Variants in EDA2R observed in about 807,000 individuals in gnomAD.
EDA2R encodes the protein ectodysplasin A2 receptor, also known as tumor necrosis factor receptor superfamily member 27.
Under a neutral mutation model 20.1 loss-of-function variants are expected in EDA2R, and 26 were observed. The ratio of observed to expected loss-of-function variants is 1.30; its 90% confidence interval spans 0.95 to 1.80. The LOEUF (loss-of-function observed/expected upper bound fraction) is 1.80, where lower values mean the gene tolerates loss of function less well. Among genes scored for constraint, EDA2R ranks in the 40% most tolerant of loss-of-function variants. EDA2R has a pLI of 0.00. For missense variants in EDA2R, 277 were observed against 228.7 expected (o/e 1.21, Z -1.36); for synonymous variants, 114 against 88.7 (o/e 1.29, Z -1.60).
chrX:66,624,268 C>T (rs1009044203), intron 1 of EDA2R, among the ~76,000 whole-genome samples: 1 of 111,748 alleles, frequency 8.9e-6, no homozygotes, highest in Non-Finnish European at 1.9e-5. Context: ...CCTGGAATAC[C>T]GGCCCTTTCA....
At position 66,615,990 on chromosome X, in the gene EDA2R, G is replaced by A. The variant is rs1207666953; in HGVS notation, c.31C>T (p.Gln11Ter). 1.7e-6 allele frequency: 2 copies of A among 1,210,097 alleles called. No individual in the cohort carries two copies. Among genetic ancestry groups the A allele is most frequent in the East Asian group, 5.9e-5 (2 of 33,783 alleles). Reference protein sequence around the residue: MDCQENEYWDQWGRCVTCQRC... With the variant: MDCQENEYWD ...TGGCAGGTGACACACCGTCCCCATT[G>A]GTCCCAGTACTCATTTTCTTGGCAA... Residue 11 changes from glutamine to a stop codon, truncating the protein, a stop_gained, in exon 2 of 7, where the codon CAA becomes TAA. Transcript: ENST00000374719. LOFTEE classifies it high-confidence loss of function.
chrX:66,613,455 T>A (rs991517926), intron 2 of EDA2R, among the ~76,000 whole-genome samples: 11 of 111,198 alleles, frequency 9.9e-5, no homozygotes, highest in Non-Finnish European at 1.3e-4. Flanking sequence ...ATTTCCCCTA[T>A]CAAATAGATA....
Position 66,624,043 on chromosome X carries a change from C to T in EDA2R, c.-10-8013G>A, listed in dbSNP as rs773010373. Among the ~76,000 whole-genome samples, 9 of 112,410 alleles carry T rather than the reference C, an allele frequency of 8.0e-5. No homozygotes were observed. In the South Asian group the frequency reaches 3.3e-3, roughly 42 times the overall value. Reference sequence around the variant, plus strand: ...TCATCATCAGTGCTTACAATAGTGCCTGGCACACAGTAGGCATTAAACAAA... The same window carrying T: ...TCATCATCAGTGCTTACAATAGTGCTTGGCACACAGTAGGCATTAAACAAA... On this transcript the variant is annotated intron_variant, in intron 1 of 6. Transcript: ENST00000374719.
At chrX:66,625,982 G>A (rs1402603254) in intron 1 of EDA2R, among the ~76,000 whole-genome samples, 1 of 111,377 alleles carries the variant, frequency 9.0e-6, no homozygotes, top group South Asian at 3.8e-4. Flanking sequence ...CTACATCAAG[G>A]GAACACCCCA....
intron 2 of EDA2R, among the ~76,000 whole-genome samples, chrX:66,610,278 C>CACAT (rs1281370391): frequency 9.4e-6 from 1 of 105,922 alleles, no homozygotes; most frequent in Non-Finnish European, 2.0e-5. Context: ...CACAAACACA[C>CACAT]ACACACACAC....
At chrX:66,609,966 T>C (rs1930429871) in intron 2 of EDA2R, among the ~76,000 whole-genome samples, 1 of 111,210 alleles carries the variant, frequency 9.0e-6, no homozygotes, top group Non-Finnish European at 1.9e-5. Flanking sequence ...CTCTTTAATC[T>C]GGGAGTGGAG....
chrX:66,602,252 A>G (rs1928741918), intron 5 of EDA2R, among the ~76,000 whole-genome samples: 1 of 111,703 alleles, frequency 9.0e-6, no homozygotes, highest in African/African-American at 3.3e-5. Flanking sequence ...CCTATCTCTT[A>G]TCTTAAAGAT....
intron 2 of EDA2R, among the ~76,000 whole-genome samples, chrX:66,612,322 A>G (rs1398945918): frequency 8.9e-6 from 1 of 112,207 alleles, no homozygotes; most frequent in Non-Finnish European, 1.9e-5. Flanking sequence ...CATACATTTT[A>G]TAAATCATAG....
At chrX:66,608,359 A>G (rs777449467) in intron 2 of EDA2R, among the ~76,000 whole-genome samples, 1 of 111,562 alleles carries the variant, frequency 9.0e-6, no homozygotes, top group Admixed American at 9.5e-5. Context: ...AGAAACTCCA[A>G]GCAGAGTAAA....
chrX:66,617,221 A>C (rs1931860498), intron 1 of EDA2R, among the ~76,000 whole-genome samples: 1 of 112,142 alleles, frequency 8.9e-6, no homozygotes, highest in Admixed American at 9.4e-5. Context: ...GTTCCCCAAA[A>C]GCGACAGGTT....
At chrX:66,602,901 C>T (rs1320841501) in intron 4 of EDA2R, 104 bp from the exon 5 acceptor site, 4 of 751,495 alleles carry the variant, frequency 5.3e-6, no homozygotes, top group Non-Finnish European at 7.4e-6. Flanking sequence ...TCCCTAGGGC[C>T]TTCCCCAATT....
chrX:66,603,980 G>A (rs910944001), intron 4 of EDA2R, among the ~76,000 whole-genome samples: 3 of 111,949 alleles, frequency 2.7e-5, no homozygotes, highest in Admixed American at 9.5e-5. Context: ...AAAGATAGAC[G>A]ATTAGATAAA....
rs139767293 is a variant in EDA2R, at chrX:66,618,678, G to T, written c.-10-2648C>A. On this transcript the variant is annotated intron_variant, in intron 1 of 6. Coordinates refer to ENST00000374719, the MANE Select transcript of EDA2R (RefSeq NM_021783.5). ...TGTACCTCAACAGTGCTTACTATTTGTTAGCTTATCAACATGCTACATTCC... is the reference window on the plus strand; with the variant it reads ...TGTACCTCAACAGTGCTTACTATTTTTTAGCTTATCAACATGCTACATTCC... Among the ~76,000 whole-genome samples, 856 of 111,907 alleles carry T rather than the reference G, an allele frequency of 7.6e-3. 6 individuals carry two copies. Among genetic ancestry groups the T allele is most frequent in the Middle Eastern group, 0.014 (3 of 216 alleles).
chrX:66,615,876 T>C, intron 2 of EDA2R, 58 bp downstream of exon 2: 1 of 1,018,364 alleles, frequency 9.8e-7, no homozygotes, highest in Non-Finnish European at 1.4e-6. Flanking sequence ...CCTCTTTCAG[T>C]TGCCGGGCTG....
intron 2 of EDA2R, among the ~76,000 whole-genome samples, chrX:66,605,669 C>T (rs1929547745): frequency 8.9e-6 from 1 of 111,748 alleles, no homozygotes; most frequent in African/African-American, 3.3e-5. Flanking sequence ...TGCGTACAAG[C>T]TCTTAAAGTT....
intron 1 of EDA2R, among the ~76,000 whole-genome samples, chrX:66,631,800 C>T (rs1904459385): frequency 9.0e-6 from 1 of 111,347 alleles, no homozygotes; most frequent in Non-Finnish European, 1.9e-5. Context: ...ATCTAAGTGC[C>T]ATGAGAAGCG....
chrX:66,635,101 G>A (rs1323132566), intron 1 of EDA2R, among the ~76,000 whole-genome samples: 2 of 111,846 alleles, frequency 1.8e-5, no homozygotes, highest in Non-Finnish European at 3.8e-5. Flanking sequence ...TCCCAAGATA[G>A]GGAGAATTAA....
At chrX:66,639,141 G>A (rs868072398), upstream of EDA2R, 1 of 27,530 alleles carries the variant, frequency 3.6e-5, no homozygotes, top group African/African-American at 1.4e-4. Flanking sequence ...CCTCAGACCC[G>A]CCCATCAGCC....
chrX:66,629,563 T>A (rs1201979558), intron 1 of EDA2R, among the ~76,000 whole-genome samples: 1 of 111,535 alleles, frequency 9.0e-6, no homozygotes, highest in Non-Finnish European at 1.9e-5. Context: ...AAGTGGAGAA[T>A]CAAATCAACA....
Sources: allele counts gnomAD v4.1 joint callset (sites outside exome capture counted in the v4.1 genomes callset), GRCh38; gene constraint gnomAD v4.1.1; transcripts MANE v1.5; gene names NCBI Gene and HGNC (gene_info 2026-07-23, HGNC 2026-07-21).